The following PTBP3 variants were observed in gnomAD, a reference collection of about 807,000 sequenced individuals.
PTBP3 encodes the protein polypyrimidine tract-binding protein 3.
Under a neutral mutation model 58.7 loss-of-function variants are expected in PTBP3, and 20 were observed. That is an observed-to-expected ratio of 0.34 (90% CI 0.24 to 0.50). The LOEUF is 0.50. Among genes scored for constraint, PTBP3 ranks in the 20% least tolerant of loss-of-function variants. The probability of loss-of-function intolerance (pLI) is 0.98; values close to 1 mark genes in which losing one functional copy is unlikely to be tolerated. For missense variants in PTBP3, 509 were observed against 637.2 expected, an observed-to-expected ratio of 0.80 and a Z score of 2.17; for synonymous variants, 185 against 219.8, an observed-to-expected ratio of 0.84 and a Z score of 1.40.
chr9:112,302,017 C>T (rs1430161599), intron 1 of PTBP3, among the ~76,000 whole-genome samples: 1 of 152,176 alleles, frequency 6.6e-6, no homozygotes, highest in Non-Finnish European at 1.5e-5. Context: ...TTCAACCCTG[C>T]CACAGCCCGC....
At chr9:112,376,252 G>GTT in the PTBP3 span, among the ~76,000 whole-genome samples, 56,217 of 74,966 alleles carry the variant, frequency 0.75, 24,468 homozygotes, top group Middle Eastern at 0.92. Flanking sequence ...AGTTTATTAA[G>GTT]TTTTTTTTTT....
At chr9:112,347,568 C>T in the PTBP3 span, among the ~76,000 whole-genome samples, 12 of 152,106 alleles carry the variant, frequency 7.9e-5, no homozygotes, top group Non-Finnish European at 1.6e-4. Flanking sequence ...GTCTCGAACT[C>T]TTGGGCTCAA....
intron 5 of PTBP3, among the ~76,000 whole-genome samples, chr9:112,256,857 C>T (rs1408177271): frequency 1.3e-5 from 2 of 151,412 alleles, no homozygotes; most frequent in African/African-American, 2.4e-5. Context: ...TTTTTTAAAG[C>T]TTTCATTTTT....
chr9:112,271,764 GA>G (rs1473113151), intron 3 of PTBP3, among the ~76,000 whole-genome samples: 1 of 151,958 alleles, frequency 6.6e-6, no homozygotes, highest in African/African-American at 2.4e-5. Context: ...AAAAGAAAAA[GA>G]AAATAGTTTA....
intron 2 of PTBP3, among the ~76,000 whole-genome samples, chr9:112,285,265 C>A (rs556478499): frequency 1.3e-5 from 2 of 152,196 alleles, no homozygotes; most frequent in Non-Finnish European, 1.5e-5. Context: ...CACTCTCTCT[C>A]GCCTGCTGCC....
chr9:112,257,430 T>C (rs1303748733), intron 5 of PTBP3, among the ~76,000 whole-genome samples: 1 of 152,160 alleles, frequency 6.6e-6, no homozygotes, highest in African/African-American at 2.4e-5. Context: ...AATTATAAGG[T>C]CTTTTACTCT....
chr9:112,252,601 C>A, intron 6 of PTBP3, 77 bp downstream of exon 6: 1 of 1,094,872 alleles, frequency 9.1e-7, no homozygotes, highest in Non-Finnish European at 1.4e-6. Context: ...TTTAAAAACA[C>A]ATGGTAAAGT....
chr9:112,315,943 A>T (rs1435541893), intron 1 of PTBP3, among the ~76,000 whole-genome samples: 1 of 152,228 alleles, frequency 6.6e-6, no homozygotes, highest in African/African-American at 2.4e-5. Flanking sequence ...CAGGATAAAA[A>T]TTTTGAGATA....
At chr9:112,250,812 C>T in intron 7 of PTBP3, 117 bp downstream of exon 7, 1 of 1,041,250 alleles carries the variant, frequency 9.6e-7, no homozygotes, top group Admixed American at 3.0e-5. Context: ...TTCTTGCTTT[C>T]CTTTATAAAT....
chr9:112,300,448 C>G (rs1228683738), intron 1 of PTBP3, among the ~76,000 whole-genome samples: 1 of 152,186 alleles, frequency 6.6e-6, no homozygotes. Context: ...AGATAAATCT[C>G]ACAAACCTAA....
intron 1 of PTBP3, among the ~76,000 whole-genome samples, chr9:112,318,300 A>C (rs928664482): frequency 2.0e-5 from 3 of 152,156 alleles, no homozygotes; most frequent in African/African-American, 7.2e-5. Context: ...AAAGGTAATA[A>C]GTAAGTTTTT....
chr9:112,304,770 ATACTT>A (rs1829098372), intron 1 of PTBP3, among the ~76,000 whole-genome samples: 1 of 152,022 alleles, frequency 6.6e-6, no homozygotes, highest in African/African-American at 2.4e-5. Context: ...TTTTTTTATT[ATACTT>A]TACTCTACTG....
At chr9:112,369,497 TG>T in the PTBP3 span, among the ~76,000 whole-genome samples, 1 of 152,218 alleles carries the variant, frequency 6.6e-6, no homozygotes, top group East Asian at 1.9e-4. Flanking sequence ...TGGACTTGCA[TG>T]GGGCCTTTAG....
chr9:112,250,281 CA>C (rs1343116978), intron 7 of PTBP3, among the ~76,000 whole-genome samples: 4 of 151,952 alleles, frequency 2.6e-5, no homozygotes, highest in African/African-American at 9.7e-5. Context: ...ACTGTGAAAC[CA>C]AAAGTAGCAT....
At chr9:112,323,515 G>A (rs1341024083) in intron 1 of PTBP3, among the ~76,000 whole-genome samples, 3 of 152,196 alleles carry the variant, frequency 2.0e-5, no homozygotes, top group Non-Finnish European at 4.4e-5. Context: ...CGGTCAATAT[G>A]TCACTGGCTG....
intron 2 of PTBP3, among the ~76,000 whole-genome samples, chr9:112,291,046 A>AC (rs564827509): frequency 6.6e-6 from 1 of 152,006 alleles, no homozygotes; most frequent in Non-Finnish European, 1.5e-5. Context: ...ACAAGGTGAA[A>AC]CCCCACTTCT....
chr9:112,327,797 A>AG (rs1188784990), intron 1 of PTBP3, among the ~76,000 whole-genome samples: 2 of 115,620 alleles, frequency 1.7e-5, no homozygotes, highest in Non-Finnish European at 3.3e-5. Flanking sequence ...TGACTAATAG[A>AG]GGAAAAAAAA....
upstream of PTBP3, chr9:112,333,637 C>T (rs1830483384): frequency 4.0e-6 from 3 of 743,494 alleles, no homozygotes; most frequent in Non-Finnish European, 6.2e-6. Flanking sequence ...GGGGCGGGGA[C>T]CGGGCACGCT....
chr9:112,249,818 C>T, intron 7 of PTBP3, among the ~76,000 whole-genome samples: 1 of 110,240 alleles, frequency 9.1e-6, no homozygotes, highest in East Asian at 2.2e-4. Context: ...TTAATTTGCC[C>T]CAGTATTTTT....
Sources: allele counts gnomAD v4.1 joint callset (sites outside exome capture counted in the v4.1 genomes callset), GRCh38; gene constraint gnomAD v4.1.1; transcripts MANE v1.5; gene names NCBI Gene and HGNC (gene_info 2026-07-23, HGNC 2026-07-21).